The following MPI variants were observed in gnomAD, a reference collection of about 807,000 sequenced individuals.
MPI encodes the protein mannose-6-phosphate isomerase.
In MPI, 33 loss-of-function variants were observed where a neutral mutation model predicts 40.1. The observed-to-expected ratio is 0.82, with a 90% CI of 0.62 to 1.10. The LOEUF is 1.10. Ranked by LOEUF, MPI falls within the 50% of genes least tolerant of loss-of-function variation. MPI has a pLI of 0.00. For synonymous variants in MPI, 187 were observed against 207.4 expected, an observed-to-expected ratio of 0.90 and a Z score of 0.85; for missense variants, 514 against 524.1, an observed-to-expected ratio of 0.98 and a Z score of 0.19.
At position 74,897,644 on chromosome 15, in the gene MPI, C is replaced by G. The variant is rs2064842502; in HGVS notation, c.1186C>G (p.Leu396Val). The G allele has an allele frequency of 1.2e-6, 2 of 1,614,210 alleles. No individual in the cohort carries two copies. Among genetic ancestry groups the G allele is most frequent in the Admixed American group, 3.3e-5 (2 of 60,020 alleles). ...AATCCCTCTGCAACGTGGTGGCGTG[C>G]TCTTCATTGGGGCCAATGAGAGTGT... ...TPIPLQRGGV[L>V]FIGANESVSL... is the part of the protein sequence containing the mutation. Residue 396 changes from leucine to valine, a missense_variant, in exon 8 of 8, where the codon CTC becomes GTC. By Grantham distance (32) the Leu-to-Val change is conservative. Coordinates refer to ENST00000352410, the MANE Select transcript of MPI (RefSeq NM_002435.3).
At chr15:74,895,590 C>CAA (rs55671836) in intron 5 of MPI, 168 of 146,696 alleles carry the variant, frequency 1.1e-3, no homozygotes, top group South Asian at 2.3e-3. Flanking sequence ...GACCCCGTCT[C>CAA]AAAAAAAAAA....
chr15:74,896,195 G>C lies in MPI; in HGVS notation c.714G>C (p.Leu238Phe). ...NNMEDIFGELLLQLHQQYPGD... is the reference protein window; with the variant it reads ...NNMEDIFGELFLQLHQQYPGD... Reference sequence around the variant, plus strand: ...TGGAGGACATCTTTGGGGAGCTTTTGCTACAGCTGCACCAGCAGTACCCAG... The same window carrying C: ...TGGAGGACATCTTTGGGGAGCTTTTCCTACAGCTGCACCAGCAGTACCCAG... Residue 238 changes from leucine to phenylalanine, a missense_variant, in exon 6 of 8, where the codon TTG becomes TTC. Physicochemically the swap from Leu to Phe is conservative, Grantham distance 22. Transcript: ENST00000352410. 6.2e-7 allele frequency: 1 copy of C among 1,614,142 alleles called. No homozygotes were observed. Among genetic ancestry groups the C allele is most frequent in the South Asian group, 1.1e-5 (1 of 91,080 alleles).
At position 74,893,057 on chromosome 15, in the gene MPI, A is replaced by G. The variant is rs998503025; in HGVS notation, c.488-81A>G. 5 of 1,570,054 alleles carry G rather than the reference A, an allele frequency of 3.2e-6. No individual in the cohort carries two copies. The African/African-American group carries it at 5.4e-5, about 17-fold the overall frequency. On this transcript the variant is annotated intron_variant, in intron 4 of 7. Transcript: ENST00000352410. ...GGCTCTTTGGTTAGGGCTGGGATGG[A>G]AAGGTGTCCTCCAACTCCCCACTTG...
intron 6 of MPI, 29 bp downstream of exon 6, chr15:74,896,354 C>G (rs1418535583): frequency 6.2e-7 from 1 of 1,613,156 alleles, no homozygotes; most frequent in Non-Finnish European, 8.5e-7. Context: ...GTGAGCCCCA[C>G]TGCCATCCCT....
At chr15:74,890,167 G>A (rs1430252343) in intron 1 of MPI, 78 bp downstream of exon 1, 1 of 1,582,900 alleles carries the variant, frequency 6.3e-7, no homozygotes, top group Non-Finnish European at 8.6e-7. Context: ...TATCGGCCAG[G>A]TTGAGTCCGC....
At chr15:74,892,852 G>A in intron 4 of MPI, 50 bp downstream of exon 4, 2 of 1,613,460 alleles carry the variant, frequency 1.2e-6, no homozygotes, top group Non-Finnish European at 1.7e-6. Context: ...AGGGATACCT[G>A]GGGAACCAAG....
At position 74,899,632 on chromosome 15, in the gene MPI, CTT is replaced by C. The variant is rs1567272053; in HGVS notation, c.*1905_*1906del. ...TTCAGGATATCCAGGATATTCTTAACTTTTATTTTTTTGAGACGGAGTCTCGC... is the reference window on the plus strand; with the variant it reads ...TTCAGGATATCCAGGATATTCTTAACTTATTTTTTTGAGACGGAGTCTCGC... On this transcript the variant is annotated 3_prime_UTR_variant, in exon 8 of 8. Transcript: ENST00000352410. 3 of 152,146 alleles carry C rather than the reference CTT, an allele frequency of 2.0e-5. No individual in the cohort carries two copies. Among genetic ancestry groups the C allele is most frequent in the Non-Finnish European group, 2.9e-5 (2 of 68,040 alleles). 9.4% of individuals were successfully genotyped at this position (152,146 alleles called of 1,614,324 possible).
Position 74,897,688 on chromosome 15 carries a change from G to T in MPI, c.1230G>T (p.Glu410Asp). The change falls in exon 8 of 8, where the codon GAG (glutamate) becomes GAT (aspartate). Residue 410 changes from glutamate (E) to aspartate (D), a missense_variant. Transcript: ENST00000352410. ...ANESVSLKLT[E>D]PKDLLIFRAC... ...AGAGTGTCTCACTGAAGCTTACTGA[G>T]CCGAAGGACCTGCTGATATTCCGTG... 1 of 1,614,166 alleles carries T rather than the reference G, an allele frequency of 6.2e-7. No homozygotes were observed. The highest frequency in any genetic ancestry group is 8.5e-7 in the Non-Finnish European group (1 of 1,180,042).
chr15:74,897,377 C>A lies in MPI; in HGVS notation c.1054-135C>A, dbSNP rs76652984. 1,400 of 1,283,106 alleles carry A rather than the reference C, an allele frequency of 1.1e-3. 14 individuals are homozygous for A. In the African/African-American group the frequency reaches 0.018, roughly 16 times the overall value. The allele number at this position is 1,283,106 out of a possible 1,614,324, so 79.5% of individuals were successfully genotyped here. A position where few individuals can be genotyped will look rare whatever the true frequency, so the allele number is the denominator to read the frequency against. ...ATTCCTTCCTGTACCAGGGACCAGGCCTCTATGCTGACTGAGCCTGGGTTG... is the reference window on the plus strand; with the variant it reads ...ATTCCTTCCTGTACCAGGGACCAGGACTCTATGCTGACTGAGCCTGGGTTG... On this transcript the variant is annotated intron_variant, in intron 7 of 7. Transcript: ENST00000352410.
At chr15:74,896,753 T>G (rs780030711) in intron 6 of MPI, 1 of 618,358 alleles carries the variant, frequency 1.6e-6, no homozygotes, top group Non-Finnish European at 2.9e-6. Context: ...TGCACAGGAT[T>G]CTGGGGTAGA....
At position 74,891,506 on chromosome 15, in the gene MPI, A is replaced by G; in HGVS notation, c.272A>G (p.Asn91Ser). The G allele has an allele frequency of 6.2e-7, 1 of 1,614,228 alleles. No individual in the cohort carries two copies. Among genetic ancestry groups the G allele is most frequent in the Non-Finnish European group, 8.5e-7 (1 of 1,180,034 alleles). ...SLGSKVKDTF[N>S]GNLPFLFKVL... ...GGCTCAAAGGTCAAGGACACCTTTA[A>G]TGGCAACCTGCCCTTCCTCTTCAAA... Residue 91 changes from asparagine to serine, a missense_variant, in exon 3 of 8, where the codon AAT becomes AGT. By Grantham distance (46) the Asn-to-Ser change is conservative (BLOSUM62 1). Coordinates refer to ENST00000352410, the MANE Select transcript of MPI (RefSeq NM_002435.3).
At chr15:74,894,803 A>C in intron 5 of MPI, among the ~76,000 whole-genome samples, 1 of 149,362 alleles carries the variant, frequency 6.7e-6, no homozygotes, top group East Asian at 2.3e-4. Flanking sequence ...AAAAAAAAGA[A>C]AAAGAAAAAG....
chr15:74,890,911 T>C (rs2064716211), intron 2 of MPI: 2 of 639,250 alleles, frequency 3.1e-6, no homozygotes, highest in African/African-American at 1.8e-5. Context: ...CTTTGACAAT[T>C]AAGTTTTTTT....
chr15:74,894,096 GT>G (rs1567267247), intron 5 of MPI, among the ~76,000 whole-genome samples: 2 of 21,742 alleles, frequency 9.2e-5, no homozygotes, highest in South Asian at 1.4e-3. Context: ...GTGTGTGTGT[GT>G]GTGTGTGTGT....
chr15:74,896,249 C>T lies in MPI; in HGVS notation c.768C>T (p.Phe256=), dbSNP rs1402063128. 3 of 1,614,064 alleles carry T rather than the reference C, an allele frequency of 1.9e-6. No homozygotes were observed. In the East Asian group the frequency reaches 6.7e-5, roughly 36 times the overall value. The change falls in exon 6 of 8, where the codon TTC becomes TTT. Residue 256 remains phenylalanine, a synonymous_variant. Coordinates refer to ENST00000352410, the MANE Select transcript of MPI (RefSeq NM_002435.3). Reference sequence around the variant, plus strand: ...ATATCGGCTGCTTTGCCATCTACTTCCTGAACCTGCTTACCCTGAAGCCTG... The same window carrying T: ...ATATCGGCTGCTTTGCCATCTACTTTCTGAACCTGCTTACCCTGAAGCCTG... ...PGDIGCFAIY[F]LNLLTLKPGE... is the part of the protein sequence containing the mutation.
chr15:74,894,035 GTTCAGTGTGT>G lies in MPI; in HGVS notation c.670+716_670+725del, dbSNP rs1453305031. 4.4e-5 allele frequency among the ~76,000 whole-genome samples: 4 copies of G among 90,950 alleles called. 1 individual carries two copies. In the South Asian group the frequency reaches 8.9e-4, roughly 20 times the overall value. The allele number at this position is 90,950 out of a possible 152,430, so 59.7% of individuals were successfully genotyped here. ...ATTTGACCCAAGCATATTTTTTTCTGTTCAGTGTGTGTGTGTGTGTGTGTGTGTGTGTGTG... is the reference window on the plus strand; with the variant it reads ...ATTTGACCCAAGCATATTTTTTTCTGGTGTGTGTGTGTGTGTGTGTGTGTG... On this transcript the variant is annotated intron_variant, in intron 5 of 7. Coordinates refer to ENST00000352410, the MANE Select transcript of MPI (RefSeq NM_002435.3).
intron 5 of MPI, chr15:74,895,291 AGT>A (rs2064802102): frequency 6.6e-6 from 1 of 150,606 alleles, no homozygotes; most frequent in Non-Finnish European, 1.5e-5. Flanking sequence ...CAGAACTTTC[AGT>A]GCTAAAAACT....
rs1302571482 is a variant in MPI at position 74,897,649 on chromosome 15, C to T, written c.1191C>T (p.Phe397=). 6.2e-7 allele frequency: 1 copy of T among 1,614,204 alleles called. No homozygotes were observed. The highest frequency in any genetic ancestry group is 1.1e-5 in the South Asian group (1 of 91,088). The change falls in exon 8 of 8, where the codon TTC becomes TTT. Residue 397 remains phenylalanine (F), a synonymous_variant. Coordinates refer to ENST00000352410, the MANE Select transcript of MPI (RefSeq NM_002435.3). ...CTCTGCAACGTGGTGGCGTGCTCTTCATTGGGGCCAATGAGAGTGTCTCAC... is the reference window on the plus strand; with the variant it reads ...CTCTGCAACGTGGTGGCGTGCTCTTTATTGGGGCCAATGAGAGTGTCTCAC... ...PIPLQRGGVL[F]IGANESVSLK... is the part of the protein sequence containing the mutation.
intron 1 of MPI, 197 bp from the exon 2 acceptor site, chr15:74,890,330 C>T: frequency 1.2e-6 from 1 of 862,266 alleles, no homozygotes; most frequent in South Asian, 1.6e-5. Flanking sequence ...CTCAGATCAG[C>T]ACAAGGTCCT....
Sources: gnomAD v4.1 joint callset for allele counts (sites outside exome capture counted in the v4.1 genomes callset) on GRCh38, gnomAD v4.1.1 for gene constraint, MANE v1.5 for transcripts, NCBI Gene and HGNC (gene_info 2026-07-23, HGNC 2026-07-21) for gene names.